Variants in CDH13 observed in about 807,000 individuals in gnomAD.
CDH13 encodes the protein cadherin-13.
In CDH13, 24 loss-of-function variants were observed where a neutral mutation model predicts 63.8. The ratio of observed to expected loss-of-function variants is 0.38; its 90% CI spans 0.27 to 0.53. CDH13 has a LOEUF of 0.53. Ranked by LOEUF, CDH13 falls within the 20% of genes least tolerant of loss-of-function variation. The pLI is 0.85. For synonymous variants in CDH13, 503 were observed against 355.3 expected (o/e 1.42, Z -4.67); for missense variants, 1,049 against 903.1 (o/e 1.16, Z -2.07).
At chr16:83,341,043 A>G (rs578067368) in intron 5 of CDH13, among the ~76,000 whole-genome samples, 35 of 152,106 alleles carry the variant, frequency 2.3e-4, no homozygotes, top group Non-Finnish European at 4.1e-4. Flanking sequence ...ATGCCTACCT[A>G]TTTGTTTTTC....
intron 1 of CDH13, among the ~76,000 whole-genome samples, chr16:82,712,091 C>G (rs111377625): frequency 2.8e-4 from 43 of 152,268 alleles, no homozygotes; most frequent in African/African-American, 9.9e-4. Flanking sequence ...TTCGTCCAAA[C>G]TTACCATATC....
intron 4 of CDH13, among the ~76,000 whole-genome samples, chr16:83,167,976 C>T (rs1440105338): frequency 6.6e-6 from 1 of 152,024 alleles, no homozygotes; most frequent in African/African-American, 2.4e-5. Context: ...CATGTTCTCA[C>T]TTATAAGTGG....
At chr16:83,204,641 C>G (rs2039130441) in intron 4 of CDH13, among the ~76,000 whole-genome samples, 2 of 152,156 alleles carry the variant, frequency 1.3e-5, no homozygotes, top group African/African-American at 4.8e-5. Context: ...TTTTATGTGT[C>G]TCTAAACCCT....
At chr16:83,081,046 T>C (rs2033216581) in intron 3 of CDH13, among the ~76,000 whole-genome samples, 1 of 151,812 alleles carries the variant, frequency 6.6e-6, no homozygotes, top group Non-Finnish European at 1.5e-5. Flanking sequence ...CAGGCCCGGC[T>C]AATTTTTTAT....
chr16:83,213,859 C>A (rs1368833072), intron 4 of CDH13, among the ~76,000 whole-genome samples: 3 of 151,968 alleles, frequency 2.0e-5, no homozygotes, highest in Admixed American at 6.6e-5. Flanking sequence ...GTAAAATGCA[C>A]CAATCAGTGC....
At chr16:83,123,196 A>G in intron 3 of CDH13, among the ~76,000 whole-genome samples, 1 of 151,950 alleles carries the variant, frequency 6.6e-6, no homozygotes, top group South Asian at 2.1e-4. Flanking sequence ...GTGTGTACAC[A>G]TCTTTATAGA....
chr16:83,350,447 C>T (rs1597807655), intron 6 of CDH13, among the ~76,000 whole-genome samples: 1 of 152,250 alleles, frequency 6.6e-6, no homozygotes, highest in African/African-American at 2.4e-5. Context: ...TCTGATCCTT[C>T]TTCTTGAGGC....
intron 6 of CDH13, among the ~76,000 whole-genome samples, chr16:83,364,022 C>G (rs2091212741): frequency 6.6e-6 from 1 of 152,106 alleles, no homozygotes; most frequent in Admixed American, 6.5e-5. Context: ...CTCACCCCTC[C>G]AATTTAGCTA....
intron 3 of CDH13, among the ~76,000 whole-genome samples, chr16:83,100,331 G>T (rs1011723060): frequency 5.3e-5 from 8 of 152,168 alleles, no homozygotes; most frequent in African/African-American, 1.9e-4. Flanking sequence ...GAAATAGGAA[G>T]TGTTGGGGAT....
At chr16:83,124,126 C>T (rs1005814711) in intron 3 of CDH13, among the ~76,000 whole-genome samples, 1 of 152,058 alleles carries the variant, frequency 6.6e-6, no homozygotes, top group African/African-American at 2.4e-5. Context: ...GCTCACTGCA[C>T]TGTCCGCCTC....
chr16:83,559,368 T>C (rs2075658560), intron 7 of CDH13, among the ~76,000 whole-genome samples: 2 of 152,042 alleles, frequency 1.3e-5, no homozygotes, highest in Admixed American at 1.3e-4. Flanking sequence ...GGTTGTGAGT[T>C]CAAGAGCAGC....
At position 82,787,490 on chromosome 16, in the gene CDH13, C is replaced by CA. The variant is rs1194364582; in HGVS notation, c.46-70865dup. On this transcript the variant is annotated intron_variant, in intron 1 of 13. Coordinates refer to ENST00000567109, the MANE Select transcript of CDH13 (RefSeq NM_001257.5). Reference sequence around the variant, plus strand: ...AGAAATTCTGAGTGTTTACTGTGTGCAAAAAAATGCTGCATTGGGGGGCTT... The same window carrying CA: ...AGAAATTCTGAGTGTTTACTGTGTGCAAAAAAAATGCTGCATTGGGGGGCTT... Among the ~76,000 whole-genome samples the CA allele has an allele frequency of 7.9e-5, 12 of 152,052 alleles. No individual in the cohort carries two copies. In the East Asian group the frequency reaches 9.7e-4, roughly 12 times the overall value.
intron 10 of CDH13, among the ~76,000 whole-genome samples, chr16:83,733,265 A>G (rs1363139467): frequency 6.6e-6 from 1 of 152,194 alleles, no homozygotes; most frequent in Non-Finnish European, 1.5e-5. Flanking sequence ...TGTTTTGGTG[A>G]TGGTGCCTCC....
intron 5 of CDH13, among the ~76,000 whole-genome samples, chr16:83,234,240 A>AC (rs2040083430): frequency 6.6e-6 from 1 of 152,064 alleles, no homozygotes; most frequent in African/African-American, 2.4e-5. Flanking sequence ...TTTTCTCATA[A>AC]ATGTTACCTA....
intron 6 of CDH13, among the ~76,000 whole-genome samples, chr16:83,401,466 C>T (rs972577452): frequency 2.0e-5 from 3 of 151,922 alleles, no homozygotes; most frequent in Admixed American, 6.6e-5. Flanking sequence ...GAGCTGAGAT[C>T]GCATCACTGC....
intron 1 of CDH13, among the ~76,000 whole-genome samples, chr16:82,634,308 C>T (rs1908386666): frequency 6.6e-6 from 1 of 152,238 alleles, no homozygotes; most frequent in South Asian, 2.1e-4. Flanking sequence ...GAACCGCTTT[C>T]TTGTGTTGTG....
chr16:83,088,520 C>A (rs9930517), intron 3 of CDH13, among the ~76,000 whole-genome samples: 21,844 of 152,156 alleles, frequency 0.14, 1,970 homozygotes, highest in African/African-American at 0.25. Flanking sequence ...GCCCTTAGGT[C>A]CAAAAGCCGT....
intron 2 of CDH13, chr16:82,859,592 TAA>T (rs2039849315): frequency 6.6e-6 from 1 of 151,726 alleles, no homozygotes; most frequent in African/African-American, 2.4e-5. Context: ...AGAAGAAAAT[TAA>T]AATAAGCTGA....
At chr16:83,745,911 G>A (rs1912535344) in intron 10 of CDH13, among the ~76,000 whole-genome samples, 1 of 152,110 alleles carries the variant, frequency 6.6e-6, no homozygotes, top group Non-Finnish European at 1.5e-5. Flanking sequence ...AAACATACCT[G>A]CTGACCACCC....
Sources: allele counts gnomAD v4.1 joint callset (sites outside exome capture counted in the v4.1 genomes callset), GRCh38; gene constraint gnomAD v4.1.1; transcripts MANE v1.5; gene names NCBI Gene and HGNC (gene_info 2026-07-23, HGNC 2026-07-21).